The following ADGRA3 variants were observed in gnomAD, a reference collection of about 807,000 sequenced individuals.
ADGRA3 encodes the protein G-protein coupled receptor 125.
A neutral mutation model predicts 119.8 loss-of-function variants in ADGRA3; 56 were observed. That is an observed-to-expected ratio of 0.47 (90% CI 0.38 to 0.58). ADGRA3 has a LOEUF of 0.58. Among genes scored for constraint, ADGRA3 ranks in the 20% least tolerant of loss-of-function variants. The pLI is 0.00. For synonymous variants in ADGRA3, 607 were observed against 623.8 expected (o/e 0.97, Z 0.40); for missense variants, 1,516 against 1,649.0 (o/e 0.92, Z 1.40).
intron 10 of ADGRA3, 141 bp downstream of exon 10, chr4:22,435,170 C>A: frequency 1.4e-6 from 1 of 704,130 alleles, no homozygotes. Context: ...AGAAGTATCT[C>A]AATAAAATTC....
chr4:22,469,492 C>T (rs1004219036), intron 2 of ADGRA3, among the ~76,000 whole-genome samples: 1 of 152,180 alleles, frequency 6.6e-6, no homozygotes, highest in African/African-American at 2.4e-5. Context: ...ACTATGCTTT[C>T]TCCTAGACAA....
chr4:22,461,990 C>T (rs1717479566), intron 2 of ADGRA3, among the ~76,000 whole-genome samples, 182 bp from the exon 3 acceptor site: 1 of 152,032 alleles, frequency 6.6e-6, no homozygotes, highest in South Asian at 2.1e-4. Flanking sequence ...GCAAATTTGA[C>T]AAATCTGGCT....
At chr4:22,468,954 T>G (rs1210479933) in intron 2 of ADGRA3, among the ~76,000 whole-genome samples, 1 of 152,034 alleles carries the variant, frequency 6.6e-6, no homozygotes, top group Non-Finnish European at 1.5e-5. Context: ...AATAATAATG[T>G]TTTTTAGCAA....
chr4:22,422,209 C>T (rs1035304318), intron 11 of ADGRA3, among the ~76,000 whole-genome samples: 4 of 152,112 alleles, frequency 2.6e-5, no homozygotes, highest in Non-Finnish European at 5.9e-5. Flanking sequence ...TATGCCTATC[C>T]CACAGGCAAG....
intron 10 of ADGRA3, among the ~76,000 whole-genome samples, chr4:22,424,950 C>G (rs1258191330): frequency 2.6e-5 from 4 of 151,994 alleles, no homozygotes; most frequent in African/African-American, 7.2e-5. Context: ...TGGCCCATGC[C>G]TATAGTCCCA....
At chr4:22,411,469 C>A (rs1167923490) in intron 14 of ADGRA3, among the ~76,000 whole-genome samples, 1 of 151,886 alleles carries the variant, frequency 6.6e-6, no homozygotes, top group Non-Finnish European at 1.5e-5. Context: ...TTTGGTGGTG[C>A]CTGCCTGTAA....
chr4:22,486,623 G>C (rs1332858898), intron 1 of ADGRA3, among the ~76,000 whole-genome samples: 2 of 152,104 alleles, frequency 1.3e-5, no homozygotes, highest in African/African-American at 4.8e-5. Flanking sequence ...AACCTCCAAG[G>C]GGTGAGGATG....
Position 22,444,997 on chromosome 4 carries a change from C to G in ADGRA3, c.682G>C (p.Val228Leu). 1 of 1,613,408 alleles carries G rather than the reference C, an allele frequency of 6.2e-7. No individual in the cohort carries two copies. The highest frequency in any genetic ancestry group is 1.7e-5 in the Admixed American group (1 of 60,000). The part of the protein sequence containing the change: ...KSLQAQPVTG[V>L]KQELLTCDPP... ...CCGCATGTCAACAGCTCCTGCTTCA[C>G]GCCTGTGACTGGTTGGGCCTGCAGT... Residue 228 changes from valine (V) to leucine (L), a missense_variant, in exon 6 of 19, where the codon GTG (valine) becomes CTG (leucine). By Grantham distance (32) the Val-to-Leu change is conservative. Coordinates refer to ENST00000334304, the MANE Select transcript of ADGRA3 (RefSeq NM_145290.4).
chr4:22,482,121 T>G (rs957230028), intron 1 of ADGRA3, among the ~76,000 whole-genome samples: 2 of 152,216 alleles, frequency 1.3e-5, no homozygotes, highest in Non-Finnish European at 2.9e-5. Flanking sequence ...TTAGCTCTTG[T>G]GTGTCAAGAA....
At chr4:22,465,459 G>T (rs1021200107) in intron 2 of ADGRA3, among the ~76,000 whole-genome samples, 3 of 152,182 alleles carry the variant, frequency 2.0e-5, no homozygotes, top group Non-Finnish European at 4.4e-5. Context: ...GTCTGGAGCT[G>T]CTAACGGCCC....
intron 18 of ADGRA3, 30 bp from the exon 19 acceptor site, chr4:22,388,977 T>C: frequency 6.2e-7 from 1 of 1,607,636 alleles, no homozygotes; most frequent in South Asian, 1.1e-5. Context: ...ACCAGATCGA[T>C]GCTACATGTT....
At position 22,440,286 on chromosome 4, in the gene ADGRA3, A is replaced by G. The variant is rs76310971; in HGVS notation, c.921-1866T>C. 5.4e-3 allele frequency among the ~76,000 whole-genome samples: 820 copies of G among 152,320 alleles called. 4 individuals carry two copies. Among genetic ancestry groups the G allele is most frequent in the Middle Eastern group, 0.01 (3 of 294 alleles). ...AATATCTAAAACCAATCACTGGAAT[A>G]ACATTTCCAGGAATCCTCAAGGCAG... On this transcript the variant is annotated intron_variant, in intron 7 of 18. Transcript: ENST00000334304.
intron 10 of ADGRA3, 32 bp from the exon 11 acceptor site, chr4:22,424,384 C>T (rs760647388): frequency 6.3e-7 from 1 of 1,599,304 alleles, no homozygotes. Flanking sequence ...AAAGAAAGAT[C>T]TTTAAAACCA....
intron 1 of ADGRA3, among the ~76,000 whole-genome samples, chr4:22,482,687 T>C (rs959059801): frequency 2.0e-5 from 3 of 151,932 alleles, no homozygotes; most frequent in Non-Finnish European, 4.4e-5. Flanking sequence ...ACAAAACCCA[T>C]GATGTAGATA....
At chr4:22,464,517 T>C (rs1717583055) in intron 2 of ADGRA3, among the ~76,000 whole-genome samples, 1 of 152,142 alleles carries the variant, frequency 6.6e-6, no homozygotes. Flanking sequence ...GAAAGAGGAA[T>C]ATTATGCAGA....
chr4:22,505,580 G>A (rs1235557837), intron 1 of ADGRA3, among the ~76,000 whole-genome samples: 2 of 151,432 alleles, frequency 1.3e-5, no homozygotes, highest in African/African-American at 2.4e-5. Flanking sequence ...CCGGGAGACG[G>A]AGGTTGCAGT....
In ADGRA3 at chr4:22,387,416, C is replaced by G. The variant is rs949280527; in HGVS notation, c.*289G>C. On this transcript the variant is annotated 3_prime_UTR_variant, in exon 19 of 19. Coordinates refer to ENST00000334304, the MANE Select transcript of ADGRA3 (RefSeq NM_145290.4). Reference sequence around the variant, plus strand: ...ACCTATTTATTATATTAAATACAAGCCTGAAATATTAAGTACAAATTACAG... The same window carrying G: ...ACCTATTTATTATATTAAATACAAGGCTGAAATATTAAGTACAAATTACAG... 3.3e-6 allele frequency: 1 copy of G among 300,086 alleles called. No homozygotes were observed. Among genetic ancestry groups the G allele is most frequent in the Admixed American group, 4.5e-5 (1 of 22,154 alleles). 18.6% of individuals were successfully genotyped at this position (300,086 alleles called of 1,614,324 possible).
intron 14 of ADGRA3, among the ~76,000 whole-genome samples, chr4:22,412,400 C>A (rs10002842): frequency 0.17 from 25,995 of 152,000 alleles, 2,358 homozygotes; most frequent in Non-Finnish European, 0.2. Context: ...TTTTACCCCC[C>A]AAAAATTACA....
chr4:22,470,934 G>C (rs375303586), intron 2 of ADGRA3, among the ~76,000 whole-genome samples: 1 of 152,190 alleles, frequency 6.6e-6, no homozygotes, highest in Non-Finnish European at 1.5e-5. Flanking sequence ...GGTGAGGCAG[G>C]CAGGGTAGTT....
Sources: gnomAD v4.1 joint callset for allele counts (sites outside exome capture counted in the v4.1 genomes callset) on GRCh38, gnomAD v4.1.1 for gene constraint, MANE v1.5 for transcripts, NCBI Gene and HGNC (gene_info 2026-07-23, HGNC 2026-07-21) for gene names.